UVRAG: variants seen among roughly 807,000 people sequenced by gnomAD.
UVRAG encodes the protein UV radiation resistance associated, also known as UV radiation resistance-associated gene protein.
In UVRAG, 19 loss-of-function variants were observed where a neutral mutation model predicts 78.0. The ratio of observed to expected loss-of-function variants is 0.24; its 90% confidence interval spans 0.17 to 0.36. The LOEUF is 0.36. Among genes scored for constraint, UVRAG ranks in the 10% least tolerant of loss-of-function variants. The pLI, the probability that UVRAG is intolerant of heterozygous loss-of-function variation, is 1.00. For missense variants in UVRAG, 740 were observed against 853.8 expected (o/e 0.87, Z 1.66); for synonymous variants, 323 against 324.6 (o/e 1.00, Z 0.05).
intron 1 of UVRAG, among the ~76,000 whole-genome samples, chr11:75,843,896 T>C (rs904362279): frequency 1.3e-5 from 2 of 150,934 alleles, no homozygotes; most frequent in Admixed American, 6.6e-5. Flanking sequence ...GAGGCAGAGG[T>C]TGCAGTGAGC....
intron 14 of UVRAG, among the ~76,000 whole-genome samples, chr11:76,129,159 C>T (rs1952469591): frequency 6.6e-6 from 1 of 152,218 alleles, no homozygotes; most frequent in Non-Finnish European, 1.5e-5. Flanking sequence ...TAATGTGACA[C>T]AGCCATCAAG....
intron 14 of UVRAG, among the ~76,000 whole-genome samples, chr11:76,140,064 TCC>T (rs1952680303): frequency 5.9e-5 from 1 of 16,916 alleles, no homozygotes; most frequent in Non-Finnish European, 1.2e-4. Context: ...TCTCTCTCCC[TCC>T]CTCCCTCCCT....
At chr11:75,950,098 C>T (rs1286074174) in intron 6 of UVRAG, among the ~76,000 whole-genome samples, 1 of 152,132 alleles carries the variant, frequency 6.6e-6, no homozygotes, top group East Asian at 1.9e-4. Flanking sequence ...TTCCTTTTTA[C>T]TGGTGAAGCA....
At chr11:75,976,862 A>G (rs1443118142) in intron 7 of UVRAG, among the ~76,000 whole-genome samples, 8 of 151,416 alleles carry the variant, frequency 5.3e-5, no homozygotes, top group East Asian at 3.9e-4. Flanking sequence ...TTGTGTCTCT[A>G]TTTCCTTCAG....
rs138392311 is a variant in UVRAG at position 75,944,826 on chromosome 11, G to A, written c.594-16618G>A. ...AGAGTTTAATTGTGAAAAGAATATA[G>A]TCTTATACTTGAGTCCTAAAACCAA... On this transcript the variant is annotated intron_variant, in intron 6 of 14. Transcript: ENST00000356136. Among the ~76,000 whole-genome samples, 20 of 152,210 alleles carry A rather than the reference G, an allele frequency of 1.3e-4. No homozygotes were observed. The East Asian group carries it at 3.3e-3, about 25-fold the overall frequency.
chr11:75,947,095 G>A (rs1478066331), intron 6 of UVRAG, among the ~76,000 whole-genome samples: 1 of 152,030 alleles, frequency 6.6e-6, no homozygotes, highest in East Asian at 1.9e-4. Context: ...GCCACCCTAT[G>A]ACCTCATCAA....
intron 13 of UVRAG, among the ~76,000 whole-genome samples, chr11:76,115,333 G>A (rs1952157894): frequency 6.6e-6 from 1 of 152,234 alleles, no homozygotes; most frequent in Admixed American, 6.5e-5. Flanking sequence ...AAAGAGGAAC[G>A]TTAGAGACTC....
rs1038702721 is a variant in UVRAG at position 76,144,094 on chromosome 11, C to T, written c.*2681C>T. On this transcript the variant is annotated 3_prime_UTR_variant, in exon 15 of 15. Transcript: ENST00000356136. Reference sequence around the variant, plus strand: ...TATTTTTTAGCAGTTCTAATGGTGCCCATTTATCCTGACCTAACCAGTTAT... The same window carrying T: ...TATTTTTTAGCAGTTCTAATGGTGCTCATTTATCCTGACCTAACCAGTTAT... Among the ~76,000 whole-genome samples the T allele has an allele frequency of 6.6e-6, 1 of 152,094 alleles. No individual in the cohort carries two copies. The highest frequency in any genetic ancestry group is 1.5e-5 in the Non-Finnish European group (1 of 68,034).
intron 7 of UVRAG, among the ~76,000 whole-genome samples, chr11:75,973,245 G>T (rs762351675): frequency 6.6e-5 from 10 of 152,192 alleles, no homozygotes; most frequent in Non-Finnish European, 1.3e-4. Flanking sequence ...TTTTTATCAT[G>T]AATCGTAGTT....
chr11:75,996,065 A>G (rs941234208), intron 8 of UVRAG, among the ~76,000 whole-genome samples: 24 of 152,190 alleles, frequency 1.6e-4, no homozygotes, highest in African/African-American at 4.8e-4. Flanking sequence ...CCATGTAAGT[A>G]TAGTAATTTA....
chr11:75,953,536 C>G (rs1018863890), intron 6 of UVRAG, among the ~76,000 whole-genome samples: 3 of 152,204 alleles, frequency 2.0e-5, no homozygotes, highest in Admixed American at 1.3e-4. Context: ...TGTAGGTATT[C>G]TAATTTGTCA....
chr11:76,138,516 A>C (rs1453575580), intron 14 of UVRAG, among the ~76,000 whole-genome samples: 1 of 152,154 alleles, frequency 6.6e-6, no homozygotes, highest in African/African-American at 2.4e-5. Flanking sequence ...TCTCAAACTC[A>C]ACGAGGGCTA....
intron 13 of UVRAG, among the ~76,000 whole-genome samples, chr11:76,105,845 T>G (rs929601023): frequency 2.0e-5 from 3 of 152,244 alleles, no homozygotes; most frequent in African/African-American, 7.2e-5. Context: ...TATCAAGTGC[T>G]GATAACAGTA....
chr11:75,980,312 C>G (rs1397011359), intron 7 of UVRAG, among the ~76,000 whole-genome samples: 1 of 152,142 alleles, frequency 6.6e-6, no homozygotes, highest in Non-Finnish European at 1.5e-5. Context: ...TAGGTGCATG[C>G]CACCGCATCC....
chr11:75,917,097 G>A (rs1462224229), intron 6 of UVRAG, among the ~76,000 whole-genome samples: 2 of 152,180 alleles, frequency 1.3e-5, no homozygotes, highest in African/African-American at 2.4e-5. Flanking sequence ...TTCAGGAAGG[G>A]ACTGTTATCA....
intron 12 of UVRAG, among the ~76,000 whole-genome samples, chr11:76,023,851 C>G (rs1226920832): frequency 6.6e-6 from 1 of 151,870 alleles, no homozygotes; most frequent in Non-Finnish European, 1.5e-5. Context: ...TTGATTTTTT[C>G]TTTTTAGATG....
intron 10 of UVRAG, 109 bp from the exon 11 acceptor site, chr11:76,008,698 C>T (rs922260821): frequency 1.5e-5 from 8 of 531,500 alleles, no homozygotes; most frequent in African/African-American, 1.3e-4. Flanking sequence ...TATGATAATA[C>T]TTGGAGTTTA....
At chr11:76,091,703 G>GT (rs1565157173) in intron 13 of UVRAG, among the ~76,000 whole-genome samples, 1 of 151,866 alleles carries the variant, frequency 6.6e-6, no homozygotes, top group Non-Finnish European at 1.5e-5. Context: ...TTCTATGTGT[G>GT]TAATATCTTC....
At chr11:75,999,128 G>T (rs1184743355) in intron 8 of UVRAG, among the ~76,000 whole-genome samples, 3 of 151,758 alleles carry the variant, frequency 2.0e-5, no homozygotes, top group Non-Finnish European at 4.4e-5. Flanking sequence ...AGCTACTGGG[G>T]AGGCTGAGGC....
Sources: allele counts gnomAD v4.1 joint callset (sites outside exome capture counted in the v4.1 genomes callset), GRCh38; gene constraint gnomAD v4.1.1; transcripts MANE v1.5; gene names NCBI Gene and HGNC (gene_info 2026-07-23, HGNC 2026-07-21).